Variants in PDLIM1 observed in about 807,000 individuals in gnomAD.
PDLIM1 encodes PDZ and LIM domain protein 1.
A neutral mutation model predicts 35.2 loss-of-function variants in PDLIM1; 25 were observed. The observed-to-expected ratio is 0.71, with a 90% confidence interval of 0.52 to 0.99. PDLIM1 has a LOEUF of 0.99. Among genes scored for constraint, PDLIM1 ranks in the 50% least tolerant of loss-of-function variants. PDLIM1 has a pLI of 0.00. For missense variants in PDLIM1, 363 were observed against 415.3 expected (o/e 0.87, Z 1.09); for synonymous variants, 152 against 154.0 (o/e 0.99, Z 0.10).
intron 1 of PDLIM1, among the ~76,000 whole-genome samples, chr10:95,282,241 C>T (rs2035567142): frequency 6.6e-6 from 1 of 152,168 alleles, no homozygotes; most frequent in African/African-American, 2.4e-5. Context: ...CTGTAGGATG[C>T]CATTTACATG....
intron 5 of PDLIM1, 105 bp downstream of exon 5, chr10:95,247,110 C>G: frequency 1.1e-6 from 1 of 927,734 alleles, no homozygotes; most frequent in Non-Finnish European, 1.6e-6. Flanking sequence ...AAAGCCCATG[C>G]CCTCCAAAGC....
chr10:95,243,880 T>TTG (rs2035198037), intron 5 of PDLIM1, among the ~76,000 whole-genome samples: 1 of 152,082 alleles, frequency 6.6e-6, no homozygotes. Flanking sequence ...ATGACACCAC[T>TTG]TATACAAGGT....
At chr10:95,250,887 C>G (rs564526096) in intron 4 of PDLIM1, among the ~76,000 whole-genome samples, 2 of 152,180 alleles carry the variant, frequency 1.3e-5, no homozygotes, top group African/African-American at 4.8e-5. Context: ...TATTTTAGGA[C>G]GTGACCTGAG....
Position 95,240,656 on chromosome 10 carries a change from G to A in PDLIM1, c.686-1971C>T, listed in dbSNP as rs537088965. On this transcript the variant is annotated intron_variant, in intron 5 of 6. Coordinates refer to ENST00000329399, the MANE Select transcript of PDLIM1 (RefSeq NM_020992.4). ...ACATGTACCCCTGAACTTAAATGTT[G>A]GAAATTTAAAAATAAATAAAGTTCT... Among the ~76,000 whole-genome samples the A allele has an allele frequency of 1.6e-3, 238 of 152,180 alleles. 1 individual carries two copies. The highest frequency in any genetic ancestry group is 1.3e-3 in the Non-Finnish European group (91 of 68,002).
chr10:95,275,787 C>T (rs1383902827), intron 1 of PDLIM1, among the ~76,000 whole-genome samples: 1 of 152,148 alleles, frequency 6.6e-6, no homozygotes, highest in Non-Finnish European at 1.5e-5. Flanking sequence ...GACATTTCTG[C>T]TAAGTATATC....
chr10:95,282,376 G>A (rs1443001095), intron 1 of PDLIM1, among the ~76,000 whole-genome samples: 3 of 152,176 alleles, frequency 2.0e-5, no homozygotes, highest in Non-Finnish European at 4.4e-5. Context: ...AGGGTGACCT[G>A]AAAACATAAC....
At chr10:95,280,659 A>C (rs1002197279) in intron 1 of PDLIM1, among the ~76,000 whole-genome samples, 9 of 152,162 alleles carry the variant, frequency 5.9e-5, no homozygotes, top group African/African-American at 2.2e-4. Context: ...AATGGTTTAA[A>C]TGGTTCTCAG....
chr10:95,269,771 G>A (rs188532824), intron 2 of PDLIM1, among the ~76,000 whole-genome samples: 62 of 151,710 alleles, frequency 4.1e-4, no homozygotes, highest in Non-Finnish European at 8.4e-4. Flanking sequence ...TCGCTCTGTC[G>A]CCCAGGCTGG....
chr10:95,280,570 C>T (rs2035552827), intron 1 of PDLIM1, among the ~76,000 whole-genome samples: 1 of 152,202 alleles, frequency 6.6e-6, no homozygotes, highest in Non-Finnish European at 1.5e-5. Context: ...ATTTCATTCG[C>T]AGAAGTACTC....
intron 1 of PDLIM1, among the ~76,000 whole-genome samples, chr10:95,275,549 C>G (rs1453257375): frequency 6.6e-6 from 1 of 152,178 alleles, no homozygotes; most frequent in African/African-American, 2.4e-5. Flanking sequence ...TCATTTTATC[C>G]TTTAAAATGA....
At chr10:95,287,533 C>CT (rs1445069102) in intron 1 of PDLIM1, among the ~76,000 whole-genome samples, 1 of 152,176 alleles carries the variant, frequency 6.6e-6, no homozygotes, top group Non-Finnish European at 1.5e-5. Context: ...TGGCCTCACC[C>CT]TTTCCTGTCT....
At chr10:95,239,033 G>C (rs1444526534) in intron 5 of PDLIM1, among the ~76,000 whole-genome samples, 1 of 152,158 alleles carries the variant, frequency 6.6e-6, no homozygotes, top group African/African-American at 2.4e-5. Context: ...AGAGAACCCA[G>C]AAACGAGACC....
At chr10:95,289,106 T>C (rs1459761484) in intron 1 of PDLIM1, among the ~76,000 whole-genome samples, 1 of 152,252 alleles carries the variant, frequency 6.6e-6, no homozygotes, top group East Asian at 1.9e-4. Flanking sequence ...TTTTAACAGA[T>C]TGCCAATACA....
intron 1 of PDLIM1, among the ~76,000 whole-genome samples, chr10:95,283,977 T>TTC (rs3979532): frequency 0.45 from 58,539 of 128,804 alleles, 12,425 homozygotes; most frequent in Admixed American, 0.56. Flanking sequence ...TATGGCCTTT[T>TTC]TCTCTGTGTG....
At chr10:95,250,202 G>A (rs2035255884) in intron 4 of PDLIM1, among the ~76,000 whole-genome samples, 1 of 151,986 alleles carries the variant, frequency 6.6e-6, no homozygotes, top group South Asian at 2.1e-4. Flanking sequence ...ATCAGACTAT[G>A]GAATGTTCTT....
chr10:95,270,336 C>CA (rs943239754), intron 2 of PDLIM1, among the ~76,000 whole-genome samples: 99 of 123,682 alleles, frequency 8.0e-4, no homozygotes, highest in East Asian at 3.2e-3. Context: ...TGCCACAAAG[C>CA]AAAAAAAAAA....
chr10:95,238,116 A>C lies in PDLIM1; in HGVS notation c.804-5T>G. ...CGCAGCTTCACAAACACACCACTAC[A>C]GAAGCAAGGGAGGGAAGGGACTCCA... is the stretch of plus-strand genomic sequence containing the variant. On this transcript the variant is annotated splice_region_variant and splice_polypyrimidine_tract_variant and intron_variant, in intron 6 of 6. Coordinates refer to ENST00000329399, the MANE Select transcript of PDLIM1 (RefSeq NM_020992.4). 6.2e-7 allele frequency: 1 copy of C among 1,608,156 alleles called. No individual in the cohort carries two copies.
At position 95,237,658 on chromosome 10, in the gene PDLIM1, A is replaced by G; in HGVS notation, c.*267T>C. 4.5e-6 allele frequency: 2 copies of G among 447,112 alleles called. No homozygotes were observed. The highest frequency in any genetic ancestry group is 3.5e-5 in the South Asian group (1 of 28,522). 27.7% of individuals were successfully genotyped at this position (447,112 alleles called of 1,614,324 possible). A position where few individuals can be genotyped will look rare whatever the true frequency, so the allele number is the denominator to read the frequency against. ...TGGGTTCAAATTTGGCTGATGTCCA[A>G]ATGCAGCAGAGAAGAACGGTGGGGC... is the stretch of plus-strand genomic sequence containing the variant. On this transcript the variant is annotated 3_prime_UTR_variant, in exon 7 of 7. Transcript: ENST00000329399.
intron 4 of PDLIM1, among the ~76,000 whole-genome samples, chr10:95,253,849 G>A (rs866824255): frequency 6.6e-6 from 1 of 152,112 alleles, no homozygotes; most frequent in Admixed American, 6.6e-5. Context: ...ATTGTAAGCA[G>A]GGGAGGGCAA....
Sources: allele counts gnomAD v4.1 joint callset (sites outside exome capture counted in the v4.1 genomes callset), GRCh38; gene constraint gnomAD v4.1.1; transcripts MANE v1.5; gene names NCBI Gene and HGNC (gene_info 2026-07-23, HGNC 2026-07-21).